The following ABCC9 variants were observed in gnomAD, a reference collection of about 807,000 sequenced individuals.
ABCC9 encodes ATP binding cassette subfamily C member 9.
In ABCC9, 95 loss-of-function variants were observed where a neutral mutation model predicts 188.3. The observed-to-expected ratio is 0.50, with a 90% CI of 0.43 to 0.60. The LOEUF is 0.60. Ranked by LOEUF, ABCC9 falls within the 20% of genes least tolerant of loss-of-function variation. The probability of loss-of-function intolerance (pLI) is 0.00; values close to 1 mark genes in which losing one functional copy is unlikely to be tolerated. For synonymous variants in ABCC9, 659 were observed against 652.7 expected (o/e 1.01, Z -0.15); for missense variants, 1,102 against 1,876.3 (o/e 0.59, Z 7.62).
intron 39 of ABCC9, among the ~76,000 whole-genome samples, chr12:21,804,970 A>G (rs1216497371): frequency 6.6e-6 from 1 of 152,206 alleles, no homozygotes; most frequent in African/African-American, 2.4e-5. Flanking sequence ...GCATGTATAT[A>G]TTTGAAAACA....
rs1053841168 is a variant in ABCC9 at position 21,800,185 on chromosome 12, A to G, written c.*859T>C. The stretch of plus-strand genomic sequence containing the variant: ...TCACCTGCCATTATTAGCAGTGCCA[A>G]ATGAAGTCACTTGCCTGTGTAAATC... On this transcript the variant is annotated 3_prime_UTR_variant, in exon 40 of 40. Transcript: ENST00000261200. 1 of 152,186 alleles carries G rather than the reference A, an allele frequency of 6.6e-6. No homozygotes were observed. The highest frequency in any genetic ancestry group is 2.1e-4 in the South Asian group (1 of 4,836). The allele number at this position is 152,186 out of a possible 1,614,324, so 9.4% of individuals were successfully genotyped here. A position where few individuals can be genotyped will look rare whatever the true frequency, so the allele number is the denominator to read the frequency against.
chr12:21,921,603 C>G (rs1467627650), intron 5 of ABCC9, among the ~76,000 whole-genome samples: 1 of 151,928 alleles, frequency 6.6e-6, no homozygotes, highest in South Asian at 2.1e-4. Flanking sequence ...CATTATTGCT[C>G]TGGTTGCCTG....
At chr12:21,906,070 G>C (rs1948028893) in intron 12 of ABCC9, 56 bp downstream of exon 12, 2 of 1,537,828 alleles carry the variant, frequency 1.3e-6, no homozygotes, top group Non-Finnish European at 9.0e-7. Context: ...TGAATAGACT[G>C]TTGGTTATTC....
chr12:21,902,883 C>A (rs942502978), intron 12 of ABCC9, among the ~76,000 whole-genome samples: 2 of 152,150 alleles, frequency 1.3e-5, no homozygotes, highest in Non-Finnish European at 2.9e-5. Flanking sequence ...CTGGTACCAT[C>A]CTTCTGAAAC....
rs866618379 is a variant in ABCC9 at position 21,888,855 on chromosome 12, C to T, written c.1803-921G>A. 5.3e-5 allele frequency among the ~76,000 whole-genome samples: 8 copies of T among 152,034 alleles called. No homozygotes were observed. The South Asian group carries it at 1.7e-3, about 31-fold the overall frequency. ...ATAAAATAATATACAAAAGGAAATT[C>T]AGTGAAGTTGCAAAGGAAAAGAAGT... On this transcript the variant is annotated intron_variant, in intron 14 of 39. Coordinates refer to ENST00000261200, the MANE Select transcript of ABCC9 (RefSeq NM_020297.4).
intron 18 of ABCC9, among the ~76,000 whole-genome samples, chr12:21,867,613 T>C (rs1490872906): frequency 6.6e-6 from 1 of 152,108 alleles, no homozygotes; most frequent in Non-Finnish European, 1.5e-5. Flanking sequence ...ACAAACATGA[T>C]ATATTACATC....
At chr12:21,801,976 CA>C (rs1752975674) in intron 39 of ABCC9, among the ~76,000 whole-genome samples, 2 of 152,094 alleles carry the variant, frequency 1.3e-5, no homozygotes, top group African/African-American at 4.8e-5. Context: ...TTACTAATTT[CA>C]AAATGTGAGC....
intron 18 of ABCC9, 56 bp downstream of exon 18, chr12:21,872,569 T>G: frequency 3.7e-6 from 5 of 1,333,400 alleles, no homozygotes; most frequent in Admixed American, 1.7e-5. Flanking sequence ...GTTCTTTCCT[T>G]GGAAGATTAT....
chr12:21,807,791 T>C (rs1213312450), intron 37 of ABCC9, among the ~76,000 whole-genome samples: 1 of 152,220 alleles, frequency 6.6e-6, no homozygotes, highest in Admixed American at 6.5e-5. Flanking sequence ...TTACTTAATA[T>C]AATTACCTAA....
intron 22 of ABCC9, among the ~76,000 whole-genome samples, chr12:21,856,752 G>A (rs1945246892): frequency 1.3e-5 from 2 of 152,170 alleles, no homozygotes; most frequent in Admixed American, 1.3e-4. Context: ...GAAAGGGAGG[G>A]AGGAATAAAG....
chr12:21,828,909 G>C, intron 31 of ABCC9, 49 bp downstream of exon 31: 2 of 1,451,754 alleles, frequency 1.4e-6, no homozygotes, highest in Middle Eastern at 1.7e-4. Flanking sequence ...CTTTGCAGCA[G>C]GCGTCTTCTC....
intron 14 of ABCC9, 102 bp downstream of exon 14, chr12:21,893,929 CA>C (rs1947286329): frequency 8.7e-7 from 1 of 1,143,232 alleles, no homozygotes; most frequent in African/African-American, 1.5e-5. Flanking sequence ...TGTCTCCTGG[CA>C]GTGATTTTAA....
intron 16 of ABCC9, among the ~76,000 whole-genome samples, chr12:21,878,587 T>C (rs1160907398): frequency 6.6e-6 from 1 of 152,142 alleles, no homozygotes; most frequent in Non-Finnish European, 1.5e-5. Context: ...GACAGAACGG[T>C]GGACTAGGAA....
chr12:21,825,794 T>TA (rs1030621985), intron 31 of ABCC9, among the ~76,000 whole-genome samples: 6 of 151,266 alleles, frequency 4.0e-5, no homozygotes, highest in East Asian at 1.9e-4. Context: ...AAGTATAATT[T>TA]AAAAAAAAAG....
At chr12:21,882,340 G>A (rs1430609249) in intron 16 of ABCC9, among the ~76,000 whole-genome samples, 3 of 152,112 alleles carry the variant, frequency 2.0e-5, no homozygotes, top group African/African-American at 7.2e-5. Flanking sequence ...TGAGATCAAG[G>A]GCAGTACCGG....
chr12:21,829,443 C>T (rs1052836218), intron 30 of ABCC9, among the ~76,000 whole-genome samples: 5 of 152,022 alleles, frequency 3.3e-5, no homozygotes, highest in East Asian at 1.9e-4. Flanking sequence ...CCTTGTGATC[C>T]GCCCACCTTG....
At position 21,917,053 on chromosome 12, in the gene ABCC9, C is replaced by A. The variant is rs771527727; in HGVS notation, c.457G>T (p.Val153Phe). Reference sequence around the variant, plus strand: ...TCCAAGCCAGACTGACAGTACTTAACCAATTTTATTGTTTTTGTAATAAAG... The same window carrying A: ...TCCAAGCCAGACTGACAGTACTTAAACAATTTTATTGTTTTTGTAATAAAG... ...MAFITKTIKL[V>F]KYCQSGLDIS... is the part of the protein sequence containing the mutation. Residue 153 changes from valine to phenylalanine, a missense_variant, in exon 6 of 40, where the codon GTT becomes TTT. Val to Phe is a conservative substitution (Grantham distance 50). Around this residue, in one of 12 missense-constraint regions of ABCC9, gnomAD observed 305 missense variants for 573.0 expected, o/e 0.53. Coordinates refer to ENST00000261200, the MANE Select transcript of ABCC9 (RefSeq NM_020297.4). 1 of 1,613,762 alleles carries A rather than the reference C, an allele frequency of 6.2e-7. No homozygotes were observed. The highest frequency in any genetic ancestry group is 1.1e-5 in the South Asian group (1 of 91,080).
intron 4 of ABCC9, among the ~76,000 whole-genome samples, chr12:21,928,217 C>A (rs1949116461): frequency 7.7e-6 from 1 of 129,418 alleles, no homozygotes; most frequent in Non-Finnish European, 1.6e-5. Flanking sequence ...AAGACTCTGT[C>A]TCAAAAAAAG....
chr12:21,886,371 C>T (rs1946874681), intron 15 of ABCC9, among the ~76,000 whole-genome samples: 1 of 151,804 alleles, frequency 6.6e-6, no homozygotes, highest in Non-Finnish European at 1.5e-5. Flanking sequence ...TCCTCTTTCT[C>T]CCTCATCTCC....
Sources: allele counts gnomAD v4.1 joint callset (sites outside exome capture counted in the v4.1 genomes callset), GRCh38; gene constraint gnomAD v4.1.1; regional missense constraint gnomAD v4.1.1; transcripts MANE v1.5; gene names NCBI Gene and HGNC (gene_info 2026-07-23, HGNC 2026-07-21).